The following SP2 variants were observed in gnomAD, a reference collection of about 807,000 sequenced individuals.
SP2 encodes the protein Sp2 transcription factor, also known as transcription factor Sp2.
Under a neutral mutation model 50.1 loss-of-function variants are expected in SP2, and 9 were observed. That is an observed-to-expected ratio of 0.18 (90% CI 0.11 to 0.31). SP2 has a LOEUF of 0.31. SP2 is among the 10% of genes least tolerant of loss of function. The probability of loss-of-function intolerance (pLI) is 1.00; values close to 1 mark genes in which losing one functional copy is unlikely to be tolerated. For synonymous variants in SP2, 313 were observed against 326.6 expected, an observed-to-expected ratio of 0.96 and a Z score of 0.45; for missense variants, 581 against 806.5, an observed-to-expected ratio of 0.72 and a Z score of 3.39.
downstream of SP2, among the ~76,000 whole-genome samples, chr17:47,929,481 C>A (rs367703458): frequency 6.7e-4 from 102 of 152,332 alleles, no homozygotes; most frequent in African/African-American, 2.4e-3. Flanking sequence ...GAGGGCTTGG[C>A]AGCTAGAGAG....
chr17:47,912,078 C>T (rs966229614), intron 1 of SP2, among the ~76,000 whole-genome samples: 2 of 152,218 alleles, frequency 1.3e-5, no homozygotes, highest in African/African-American at 2.4e-5. Flanking sequence ...GTATACCATG[C>T]TCTTGATGTA....
chr17:47,922,722 T>C (rs1776842934), intron 3 of SP2, among the ~76,000 whole-genome samples: 1 of 152,204 alleles, frequency 6.6e-6, no homozygotes, highest in African/African-American at 2.4e-5. Flanking sequence ...GGCAATTACT[T>C]TTTCCATGCT....
chr17:47,925,130 C>G, intron 5 of SP2, 37 bp downstream of exon 5: 1 of 1,566,548 alleles, frequency 6.4e-7, no homozygotes, highest in Non-Finnish European at 8.7e-7. Flanking sequence ...CAAGGCTGGC[C>G]TGTGTTCCCC....
At chr17:47,917,736 T>C in intron 3 of SP2, 1 of 430,838 alleles carries the variant, frequency 2.3e-6, no homozygotes, top group South Asian at 1.6e-5. Flanking sequence ...CACCTCAGCC[T>C]GAGTAGCCAG....
rs957155972 is a variant in SP2, at chr17:47,916,092, G to T, written c.85-64G>T. Reference sequence around the variant, plus strand: ...AATGCCGCCAGGAGGAGAGGATCATGGACAGAGGCGGCCGGGCAGCGGGCC... The same window carrying T: ...AATGCCGCCAGGAGGAGAGGATCATTGACAGAGGCGGCCGGGCAGCGGGCC... On this transcript the variant is annotated intron_variant, in intron 2 of 6. Transcript: ENST00000376741. The surrounding 1 kb of genome is among the most constrained non-coding windows in gnomAD (Gnocchi z 4.7). The T allele has an allele frequency of 1.8e-5, 28 of 1,544,686 alleles. No homozygotes were observed. In the Admixed American group the frequency reaches 5.0e-4, roughly 28 times the overall value.
At chr17:47,915,074 C>T (rs553363347) in intron 1 of SP2, among the ~76,000 whole-genome samples, 3 of 151,946 alleles carry the variant, frequency 2.0e-5, no homozygotes, top group South Asian at 4.2e-4. Context: ...ATTAGCTGGG[C>T]ATGGTGGCAG....
At chr17:47,909,674 G>A (rs781712921) in intron 1 of SP2, 3 of 981,856 alleles carry the variant, frequency 3.1e-6, no homozygotes, top group Non-Finnish European at 2.4e-6. Flanking sequence ...AGGGCACTAG[G>A]AGGAGGCTAA....
At chr17:47,907,017 G>A (rs1459710148) in intron 1 of SP2, among the ~76,000 whole-genome samples, 5 of 152,130 alleles carry the variant, frequency 3.3e-5, no homozygotes, top group Non-Finnish European at 7.3e-5. Context: ...TGGCAGGAGA[G>A]GTGGGAGAAA....
intron 4 of SP2, 105 bp downstream of exon 4, chr17:47,923,379 T>A: frequency 1.1e-6 from 1 of 919,702 alleles, no homozygotes; most frequent in Non-Finnish European, 1.6e-6. Context: ...GTGAGGATGC[T>A]GTCCATCATA....
intron 1 of SP2, among the ~76,000 whole-genome samples, chr17:47,913,582 A>AT (rs2035074434): frequency 6.6e-6 from 1 of 152,150 alleles, no homozygotes; most frequent in South Asian, 2.1e-4. Context: ...TTTTTAAAAA[A>AT]TTTTTATTAG....
At chr17:47,905,173 G>T (rs2034708819) in intron 1 of SP2, among the ~76,000 whole-genome samples, 1 of 152,154 alleles carries the variant, frequency 6.6e-6, no homozygotes, top group African/African-American at 2.4e-5. Flanking sequence ...CATCCAAATG[G>T]ATTCTCATAC....
chr17:47,915,975 A>C (rs1223289819), intron 2 of SP2, among the ~76,000 whole-genome samples, 181 bp from the exon 3 acceptor site: 1 of 152,016 alleles, frequency 6.6e-6, no homozygotes, highest in Non-Finnish European at 1.5e-5. Context: ...CCCTCACTTA[A>C]TGGAGAAACC....
chr17:47,896,911 C>T (rs1012364425), intron 1 of SP2, among the ~76,000 whole-genome samples: 2 of 152,218 alleles, frequency 1.3e-5, no homozygotes, highest in Non-Finnish European at 2.9e-5. Flanking sequence ...GGGCAGATGA[C>T]CTCTCACCGG....
intron 1 of SP2, among the ~76,000 whole-genome samples, chr17:47,906,340 A>G (rs2034761163): frequency 6.6e-6 from 1 of 152,170 alleles, no homozygotes; most frequent in South Asian, 2.1e-4. Flanking sequence ...TTAACCCAGG[A>G]TATTCATACA....
At chr17:47,921,325 T>G (rs2035449137) in intron 3 of SP2, among the ~76,000 whole-genome samples, 1 of 152,204 alleles carries the variant, frequency 6.6e-6, no homozygotes, top group Non-Finnish European at 1.5e-5. Context: ...CTCGACTCAC[T>G]GCAACCTCCA....
chr17:47,915,917 G>A (rs1480192960), intron 2 of SP2, among the ~76,000 whole-genome samples: 1 of 152,082 alleles, frequency 6.6e-6, no homozygotes, highest in Non-Finnish European at 1.5e-5. Context: ...CTGTCTGTGG[G>A]GTGCTGCCAG....
chr17:47,908,999 T>C (rs78162322), intron 1 of SP2, among the ~76,000 whole-genome samples: 2 of 152,190 alleles, frequency 1.3e-5, no homozygotes, highest in African/African-American at 2.4e-5. Context: ...CTGATTTTCA[T>C]CTTTTCAAAG....
chr17:47,909,101 T>C (rs890901855), intron 1 of SP2, among the ~76,000 whole-genome samples: 1 of 152,234 alleles, frequency 6.6e-6, no homozygotes, highest in Non-Finnish European at 1.5e-5. Context: ...TCTGGCACCC[T>C]GACCACAACC....
At position 47,908,850 on chromosome 17, in the gene SP2, C is replaced by T. The variant is rs116574614; in HGVS notation, c.8-6462C>T. Reference sequence around the variant, plus strand: ...GATTATAGGTGTGATCCACCGCGCCCGGCCATGAATAAAAATCTTAAAGAT... The same window carrying T: ...GATTATAGGTGTGATCCACCGCGCCTGGCCATGAATAAAAATCTTAAAGAT... On this transcript the variant is annotated intron_variant, in intron 1 of 6. Transcript: ENST00000376741. Among the ~76,000 whole-genome samples the T allele has an allele frequency of 9.5e-3, 1,442 of 152,206 alleles. 19 individuals are homozygous for T. Among genetic ancestry groups the T allele is most frequent in the African/African-American group, 0.029 (1,225 of 41,528 alleles).
Sources: allele counts gnomAD v4.1 joint callset (sites outside exome capture counted in the v4.1 genomes callset), GRCh38; gene constraint gnomAD v4.1.1; non-coding constraint Gnocchi (gnomAD v3.1); transcripts MANE v1.5; gene names NCBI Gene and HGNC (gene_info 2026-07-23, HGNC 2026-07-21).